NEK11: variants seen among roughly 807,000 people sequenced by gnomAD.
NEK11 encodes NIMA related kinase 11, also known as serine/threonine-protein kinase Nek11.
Under a neutral mutation model 80.7 loss-of-function variants are expected in NEK11, and 72 were observed. That is an observed-to-expected ratio of 0.89 (90% CI 0.74 to 1.08). The LOEUF is 1.08. Among genes scored for constraint, NEK11 ranks in the 50% least tolerant of loss-of-function variants. NEK11 has a pLI of 0.00. For synonymous variants in NEK11, 251 were observed against 260.7 expected (o/e 0.96, Z 0.36); for missense variants, 764 against 763.6 (o/e 1.00, Z -0.01).
At chr3:131,231,723 C>T (rs1203255962) in intron 15 of NEK11, among the ~76,000 whole-genome samples, 1 of 151,910 alleles carries the variant, frequency 6.6e-6, no homozygotes, top group Non-Finnish European at 1.5e-5. Flanking sequence ...AATTACACTA[C>T]AGAACTCAGT....
Position 131,081,786 on chromosome 3 carries a change from CTT to C in NEK11, c.336+1200_336+1201del, listed in dbSNP as rs371817685. ...ACGGCAGTTCTGTTTGGGCCAGAAA[CTT>C]TGGACAACTCGACCTAACTTGAAGG... On this transcript the variant is annotated intron_variant, in intron 4 of 17. Coordinates refer to ENST00000383366, the MANE Select transcript of NEK11 (RefSeq NM_024800.5). Among the ~76,000 whole-genome samples, 970 of 152,118 alleles carry C rather than the reference CTT, an allele frequency of 6.4e-3. 18 individuals carry two copies. Among genetic ancestry groups the C allele is most frequent in the African/African-American group, 0.021 (887 of 41,492 alleles).
At chr3:131,304,055 G>A (rs1458620287) in intron 17 of NEK11, among the ~76,000 whole-genome samples, 2 of 152,140 alleles carry the variant, frequency 1.3e-5, no homozygotes, top group South Asian at 2.1e-4. Context: ...ATATACCAGT[G>A]AGTCATAGAT....
In NEK11 at chr3:131,095,801, A is replaced by C. The variant is rs1310326200; in HGVS notation, c.337-14002A>C. Among the ~76,000 whole-genome samples the C allele has an allele frequency of 2.6e-5, 4 of 152,296 alleles. No individual in the cohort carries two copies. The East Asian group carries it at 7.7e-4, about 29-fold the overall frequency. The stretch of plus-strand genomic sequence containing the variant: ...TCCAGAAGTCAGTTTGGAAACTTCC[A>C]AAGTTGGTTTGAGGTCGAAAGGCCT... On this transcript the variant is annotated intron_variant, in intron 4 of 17. Coordinates refer to ENST00000383366, the MANE Select transcript of NEK11 (RefSeq NM_024800.5).
intron 6 of NEK11, 90 bp downstream of exon 6, chr3:131,132,899 G>A (rs567442557): frequency 5.0e-6 from 3 of 594,614 alleles, no homozygotes; most frequent in Non-Finnish European, 5.9e-6. Context: ...GTACGTGGAA[G>A]TATTAGAGTA....
rs1553878616 is a variant in NEK11 at position 131,115,968 on chromosome 3, T to TTCTTTC, written c.455+6049_455+6054dup. ...TTTCTTTCTTTCTTTCTTTCTTTCT[T>TTCTTTC]TCTTTCTTTCTTTCTTTCTTTATTA... On this transcript the variant is annotated intron_variant, in intron 5 of 17. Coordinates refer to ENST00000383366, the MANE Select transcript of NEK11 (RefSeq NM_024800.5). Among the ~76,000 whole-genome samples, 15 of 145,204 alleles carry TTCTTTC rather than the reference T, an allele frequency of 1.0e-4. No individual in the cohort carries two copies. The South Asian group carries it at 1.3e-3, about 13-fold the overall frequency.
chr3:131,229,245 T>C (rs2095280992), intron 15 of NEK11, among the ~76,000 whole-genome samples: 1 of 151,882 alleles, frequency 6.6e-6, no homozygotes, highest in Non-Finnish European at 1.5e-5. Context: ...GCCCTTGTAG[T>C]AGATCTCTTT....
chr3:131,097,866 A>C (rs1257967917), intron 4 of NEK11, among the ~76,000 whole-genome samples: 1 of 144,422 alleles, frequency 6.9e-6, no homozygotes, highest in Admixed American at 7.0e-5. Flanking sequence ...CTAAGCCAAA[A>C]GAACAAAGCT....
At chr3:131,310,055 A>T (rs2096765480) in intron 17 of NEK11, among the ~76,000 whole-genome samples, 1 of 135,644 alleles carries the variant, frequency 7.4e-6, no homozygotes, top group Non-Finnish European at 1.6e-5. Flanking sequence ...TGATTTCCTT[A>T]TTGCATTTTT....
At chr3:131,209,899 CATCT>C (rs1342260881) in intron 14 of NEK11, among the ~76,000 whole-genome samples, 1 of 152,020 alleles carries the variant, frequency 6.6e-6, no homozygotes, top group Non-Finnish European at 1.5e-5. Flanking sequence ...GTCTTGCTAG[CATCT>C]ATCTATTTTG....
rs1306485627 is a variant in NEK11 at position 131,026,989 on chromosome 3, C to T, written c.-187C>T. Reference sequence around the variant, plus strand: ...ACTTGGGCAGCCCCGGGCGCCGCTCCGACCACGACAGGGAAAGGTAAAGCG... The same window carrying T: ...ACTTGGGCAGCCCCGGGCGCCGCTCTGACCACGACAGGGAAAGGTAAAGCG... On this transcript the variant is annotated 5_prime_UTR_variant, in exon 1 of 18. Transcript: ENST00000383366. 6.6e-6 allele frequency: 1 copy of T among 152,294 alleles called. No homozygotes were observed. The highest frequency in any genetic ancestry group is 1.5e-5 in the Non-Finnish European group (1 of 68,144). 9.4% of individuals were successfully genotyped at this position (152,294 alleles called of 1,614,324 possible).
intron 7 of NEK11, among the ~76,000 whole-genome samples, chr3:131,145,733 A>G (rs556717176): frequency 6.6e-6 from 1 of 152,250 alleles, no homozygotes; most frequent in East Asian, 1.9e-4. Flanking sequence ...CTAGAGCCAG[A>G]TAGCCTGGGC....
chr3:131,200,424 C>T (rs1000119539), intron 14 of NEK11, among the ~76,000 whole-genome samples: 1 of 152,286 alleles, frequency 6.6e-6, no homozygotes, highest in East Asian at 1.9e-4. Flanking sequence ...GAAAATAGCT[C>T]TTGGCATCTT....
Position 131,161,055 on chromosome 3 carries a change from T to A in NEK11, c.963-1353T>A, listed in dbSNP as rs991671491. 2.0e-5 allele frequency among the ~76,000 whole-genome samples: 3 copies of A among 150,538 alleles called. No homozygotes were observed. The South Asian group carries it at 6.3e-4, about 32-fold the overall frequency. On this transcript the variant is annotated intron_variant, in intron 10 of 17. Transcript: ENST00000383366. The stretch of plus-strand genomic sequence containing the variant: ...AAAATTAGCTGGGCGTGGTAGCGTG[T>A]GCCTGTAGTCCCAGCTACTCAGGAG...
At chr3:131,126,337 C>T (rs1403857513) in intron 5 of NEK11, among the ~76,000 whole-genome samples, 1 of 152,146 alleles carries the variant, frequency 6.6e-6, no homozygotes, top group Admixed American at 6.5e-5. Flanking sequence ...CTCCCCAAAA[C>T]AAATCCTTAA....
At chr3:131,275,208 C>T (rs193249306) in intron 17 of NEK11, among the ~76,000 whole-genome samples, 1 of 152,138 alleles carries the variant, frequency 6.6e-6, no homozygotes, top group East Asian at 1.9e-4. Flanking sequence ...TCCACCTCTC[C>T]TTGCTTGGAG....
chr3:131,264,329 G>T (rs1012076893), intron 16 of NEK11, among the ~76,000 whole-genome samples: 5 of 152,296 alleles, frequency 3.3e-5, no homozygotes, highest in Admixed American at 3.3e-4. Context: ...TTTCTTCTAG[G>T]ATTTTTATGG....
intron 14 of NEK11, among the ~76,000 whole-genome samples, chr3:131,219,345 A>G (rs1343548276): frequency 6.6e-6 from 1 of 151,940 alleles, no homozygotes; most frequent in South Asian, 2.1e-4. Context: ...TTGAACAATG[A>G]GAACACATGG....
At chr3:131,295,933 G>A (rs1050606650) in intron 17 of NEK11, among the ~76,000 whole-genome samples, 45 of 152,106 alleles carry the variant, frequency 3.0e-4, no homozygotes, top group African/African-American at 1.0e-3. Context: ...CTGACCTCCT[G>A]GGCTCAAGTG....
At chr3:131,112,938 A>C (rs903652302) in intron 5 of NEK11, among the ~76,000 whole-genome samples, 5 of 152,332 alleles carry the variant, frequency 3.3e-5, no homozygotes, top group African/African-American at 1.2e-4. Context: ...GTGGAGTTAT[A>C]TAATATTGCC....
Sources: gnomAD v4.1 joint callset for allele counts (sites outside exome capture counted in the v4.1 genomes callset) on GRCh38, gnomAD v4.1.1 for gene constraint, MANE v1.5 for transcripts, NCBI Gene and HGNC (gene_info 2026-07-23, HGNC 2026-07-21) for gene names.